Variants in CDKAL1 observed in about 807,000 individuals in gnomAD.
CDKAL1 encodes the protein CDKAL1 threonylcarbamoyladenosine tRNA methylthiotransferase.
Under a neutral mutation model 68.2 loss-of-function variants are expected in CDKAL1, and 32 were observed. That is an observed-to-expected ratio of 0.47 (90% CI 0.35 to 0.63). The LOEUF (loss-of-function observed/expected upper bound fraction) is 0.63. Ranked by LOEUF, CDKAL1 falls within the 30% of genes least tolerant of loss-of-function variation. The pLI is 0.00. For synonymous variants in CDKAL1, 234 were observed against 244.3 expected (o/e 0.96, Z 0.39); for missense variants, 606 against 696.7 (o/e 0.87, Z 1.47).
chr6:20,930,992 C>T (rs1763423598), intron 9 of CDKAL1, among the ~76,000 whole-genome samples: 2 of 151,580 alleles, frequency 1.3e-5, no homozygotes, highest in African/African-American at 2.4e-5. Flanking sequence ...ATCCGCCCGC[C>T]TCGGCCTCCC....
chr6:21,048,702 T>C (rs892403980), intron 11 of CDKAL1, among the ~76,000 whole-genome samples: 1 of 152,152 alleles, frequency 6.6e-6, no homozygotes, highest in Non-Finnish European at 1.5e-5. Context: ...GCAACTGCAT[T>C]TTGACTGTAT....
chr6:20,652,486 C>G (rs9295474), intron 5 of CDKAL1, among the ~76,000 whole-genome samples: 50,215 of 152,008 alleles, frequency 0.33, 8,397 homozygotes, highest in East Asian at 0.4. Context: ...AATCTTATCT[C>G]CATGGATCTT....
At chr6:20,805,145 T>C (rs1219227239) in intron 8 of CDKAL1, among the ~76,000 whole-genome samples, 1 of 152,214 alleles carries the variant, frequency 6.6e-6, no homozygotes, top group East Asian at 1.9e-4. Flanking sequence ...GTGTTCTGTA[T>C]GGCTTCTCCT....
intron 5 of CDKAL1, among the ~76,000 whole-genome samples, chr6:20,730,892 C>T (rs1015572815): frequency 2.7e-5 from 4 of 150,818 alleles, no homozygotes; most frequent in Admixed American, 6.6e-5. Context: ...AGGGAAGCAG[C>T]CAGTGGTGTT....
intron 4 of CDKAL1, among the ~76,000 whole-genome samples, chr6:20,632,998 A>T (rs1458064132): frequency 6.6e-6 from 1 of 152,194 alleles, no homozygotes; most frequent in Non-Finnish European, 1.5e-5. Flanking sequence ...CAGAAATGAG[A>T]ACAGTGGTGA....
intron 13 of CDKAL1, among the ~76,000 whole-genome samples, chr6:21,159,622 C>T (rs16884591): frequency 6.6e-6 from 1 of 152,144 alleles, no homozygotes; most frequent in Non-Finnish European, 1.5e-5. Context: ...TTATGGGACA[C>T]TTAAATGAAG....
intron 4 of CDKAL1, among the ~76,000 whole-genome samples, chr6:20,597,568 C>T (rs1765888202): frequency 6.6e-6 from 1 of 152,114 alleles, no homozygotes; most frequent in African/African-American, 2.4e-5. Context: ...GTGTGCACCA[C>T]CATGCCCGGC....
chr6:20,719,876 C>T (rs1772263716), intron 5 of CDKAL1, among the ~76,000 whole-genome samples: 1 of 152,102 alleles, frequency 6.6e-6, no homozygotes, highest in Admixed American at 6.6e-5. Flanking sequence ...TGGCTTTTTC[C>T]CCTGCTTGTG....
rs191516071 is a variant in CDKAL1 at position 20,929,647 on chromosome 6, G to A, written c.743-25772G>A. Among the ~76,000 whole-genome samples the A allele has an allele frequency of 1.2e-3, 185 of 152,260 alleles. 1 individual carries two copies. Among genetic ancestry groups the A allele is most frequent in the Admixed American group, 2.4e-3 (36 of 15,290 alleles). On this transcript the variant is annotated intron_variant, in intron 9 of 15. Coordinates refer to ENST00000274695, the MANE Select transcript of CDKAL1 (RefSeq NM_017774.3). ...TTGTTGTTGCAGTTTTGTAATGGGC[G>A]GGTGTATTATTATCAGGATGGAGGC...
At chr6:21,166,491 C>A (rs1315683929) in intron 13 of CDKAL1, among the ~76,000 whole-genome samples, 1 of 152,040 alleles carries the variant, frequency 6.6e-6, no homozygotes, top group Non-Finnish European at 1.5e-5. Flanking sequence ...TGCAGGAGTG[C>A]CAGTGGAAAA....
chr6:20,548,644 TA>T lies in CDKAL1; in HGVS notation c.227del (p.Asn76IlefsTer12), dbSNP rs1763698180. 8.1e-6 allele frequency: 13 copies of T among 1,603,086 alleles called. No homozygotes were observed. The highest frequency in any genetic ancestry group is 1.1e-5 in the Non-Finnish European group (13 of 1,170,938). On this transcript the variant is annotated frameshift_variant, in exon 4 of 16. Coordinates refer to ENST00000274695, the MANE Select transcript of CDKAL1 (RefSeq NM_017774.3). LOFTEE classifies it high-confidence loss of function. Reference protein sequence around the residue: ...IWIRTWGCSHNNSDGEYMAGQ... With the variant: ...IWIRTWGCSHXNSDGEYMAGQ... ...GGATACGAACATGGGGTTGTTCTCA[TA>T]ATAATTCAGATGGAGAATATATGGC...
intron 13 of CDKAL1, among the ~76,000 whole-genome samples, chr6:21,142,314 G>GAA (rs71540615): frequency 0.016 from 2,154 of 136,450 alleles, 42 homozygotes; most frequent in African/African-American, 0.046. Flanking sequence ...GCTGCCATAT[G>GAA]AAAAAAAAAA....
chr6:20,669,212 A>G (rs1173701549), intron 5 of CDKAL1, among the ~76,000 whole-genome samples: 1 of 152,158 alleles, frequency 6.6e-6, no homozygotes, highest in Non-Finnish European at 1.5e-5. Flanking sequence ...TAATTTTAGC[A>G]TCCCTTGGTT....
At chr6:20,587,308 A>C (rs781463694) in intron 4 of CDKAL1, among the ~76,000 whole-genome samples, 10 of 152,022 alleles carry the variant, frequency 6.6e-5, no homozygotes, top group Non-Finnish European at 1.0e-4. Context: ...ATTTTAGGGG[A>C]TGAGAGTTCG....
intron 8 of CDKAL1, among the ~76,000 whole-genome samples, chr6:20,844,283 A>G (rs1408308539): frequency 6.6e-6 from 1 of 152,336 alleles, no homozygotes; most frequent in East Asian, 1.9e-4. Context: ...TTGAATATAT[A>G]TGCTATATTA....
intron 13 of CDKAL1, among the ~76,000 whole-genome samples, chr6:21,181,730 T>A (rs1777797752): frequency 6.6e-6 from 1 of 152,238 alleles, no homozygotes; most frequent in Admixed American, 6.5e-5. Context: ...ATTTTATATG[T>A]TGTAACCTAC....
intron 4 of CDKAL1, among the ~76,000 whole-genome samples, chr6:20,573,064 C>T (rs1764768224): frequency 6.6e-6 from 1 of 152,090 alleles, no homozygotes; most frequent in Non-Finnish European, 1.5e-5. Flanking sequence ...AGCTTGTAGC[C>T]AGAGTCTCCT....
At chr6:20,977,073 T>A (rs1765879611) in intron 10 of CDKAL1, among the ~76,000 whole-genome samples, 1 of 152,194 alleles carries the variant, frequency 6.6e-6, no homozygotes. Flanking sequence ...TTGCCCATCA[T>A]GTATAAAAGT....
At chr6:21,016,007 A>G (rs1371109445) in intron 11 of CDKAL1, among the ~76,000 whole-genome samples, 1 of 151,666 alleles carries the variant, frequency 6.6e-6, no homozygotes, top group Non-Finnish European at 1.5e-5. Context: ...GTGTTTTTCT[A>G]CTTATGAAAT....
Sources: allele counts gnomAD v4.1 joint callset (sites outside exome capture counted in the v4.1 genomes callset), GRCh38; gene constraint gnomAD v4.1.1; transcripts MANE v1.5; gene names NCBI Gene and HGNC (gene_info 2026-07-23, HGNC 2026-07-21).